PCDH9: variants seen among roughly 807,000 people sequenced by gnomAD.
The protein encoded by PCDH9 is protocadherin 9.
In PCDH9, 24 loss-of-function variants were observed where a neutral mutation model predicts 70.6. The ratio of observed to expected loss-of-function variants is 0.34; its 90% CI spans 0.25 to 0.48. The LOEUF is 0.48. Ranked by LOEUF, PCDH9 falls within the 20% of genes least tolerant of loss-of-function variation. The probability of loss-of-function intolerance (pLI) is 0.99; values close to 1 mark genes in which losing one functional copy is unlikely to be tolerated. For missense variants in PCDH9, 1,281 were observed against 1,503.6 expected (o/e 0.85, Z 2.45); for synonymous variants, 562 against 558.5 (o/e 1.01, Z -0.09).
intron 3 of PCDH9, among the ~76,000 whole-genome samples, chr13:66,860,357 G>A (rs1327213194): frequency 6.6e-6 from 1 of 152,034 alleles, no homozygotes. Flanking sequence ...GGGTGGTGGA[G>A]GGGAGCTGCT....
chr13:66,610,857 T>A (rs1414315510), intron 4 of PCDH9, among the ~76,000 whole-genome samples: 2 of 152,198 alleles, frequency 1.3e-5, no homozygotes, highest in Non-Finnish European at 2.9e-5. Flanking sequence ...AAGTCTGTGC[T>A]TGTTTTGTGG....
intron 4 of PCDH9, among the ~76,000 whole-genome samples, chr13:66,430,657 T>TA (rs1260108007): frequency 2.0e-5 from 3 of 152,082 alleles, no homozygotes; most frequent in Non-Finnish European, 2.9e-5. Context: ...TAACCTGCTA[T>TA]TCACTCTGGG....
chr13:66,523,569 T>TAC (rs746989014), intron 4 of PCDH9, among the ~76,000 whole-genome samples: 22 of 151,144 alleles, frequency 1.5e-4, no homozygotes, highest in East Asian at 5.8e-4. Context: ...CATATACATA[T>TAC]ACACACACAC....
At chr13:66,406,266 G>C (rs1593925616) in intron 4 of PCDH9, among the ~76,000 whole-genome samples, 1 of 152,068 alleles carries the variant, frequency 6.6e-6, no homozygotes, top group African/African-American at 2.4e-5. Context: ...GTGAGACTTG[G>C]GCAAGTTTTA....
intron 4 of PCDH9, among the ~76,000 whole-genome samples, chr13:66,474,562 C>G (rs1958683838): frequency 6.6e-6 from 1 of 152,076 alleles, no homozygotes; most frequent in Admixed American, 6.6e-5. Context: ...ATCATTTAAA[C>G]TATTATATGA....
At position 66,626,063 on chromosome 13, in the gene PCDH9, AT is replaced by A. The variant is rs200323931; in HGVS notation, c.3340+5146del. 4.2e-3 allele frequency among the ~76,000 whole-genome samples: 632 copies of A among 151,748 alleles called. 19 individuals are homozygous for A. The East Asian group carries it at 0.08, about 19-fold the overall frequency. On this transcript the variant is annotated intron_variant, in intron 4 of 4. Transcript: ENST00000377865. ...TGCAAAGTTGTACAGCTATCATGAG[AT>A]TTTTTTTTCTTGTTGCTGAGGCAAA... is the stretch of plus-strand genomic sequence containing the variant.
intron 2 of PCDH9, among the ~76,000 whole-genome samples, chr13:67,170,782 G>A (rs1378567932): frequency 6.6e-6 from 1 of 151,982 alleles, no homozygotes; most frequent in Non-Finnish European, 1.5e-5. Flanking sequence ...AAAATTAGCT[G>A]GGCCTGGTGG....
At chr13:67,175,326 A>C (rs2088420698) in intron 2 of PCDH9, among the ~76,000 whole-genome samples, 1 of 152,174 alleles carries the variant, frequency 6.6e-6, no homozygotes. Flanking sequence ...TACCCATCAC[A>C]ATCTAAAAAT....
intron 3 of PCDH9, among the ~76,000 whole-genome samples, chr13:66,683,075 G>A (rs753247295): frequency 2.6e-4 from 39 of 152,116 alleles, no homozygotes; most frequent in Admixed American, 1.0e-3. Flanking sequence ...TATTTGCAGC[G>A]GCAGTTGTCA....
intron 4 of PCDH9, among the ~76,000 whole-genome samples, chr13:66,404,221 A>T (rs1957240221): frequency 2.0e-5 from 3 of 152,184 alleles, no homozygotes; most frequent in Admixed American, 2.0e-4. Context: ...CTGATAAATA[A>T]GGAAAATACT....
chr13:67,004,288 A>C (rs1252046900), intron 2 of PCDH9, among the ~76,000 whole-genome samples: 1 of 152,096 alleles, frequency 6.6e-6, no homozygotes, highest in African/African-American at 2.4e-5. Flanking sequence ...AGAAATTTAT[A>C]GGACAGTTGT....
intron 3 of PCDH9, among the ~76,000 whole-genome samples, chr13:66,686,033 G>A (rs1189257479): frequency 1.3e-5 from 2 of 152,140 alleles, no homozygotes. Context: ...CTAAGACTTT[G>A]GGGAACTGTT....
At chr13:66,314,502 G>A (rs1336619685) in intron 4 of PCDH9, among the ~76,000 whole-genome samples, 4 of 152,158 alleles carry the variant, frequency 2.6e-5, no homozygotes, top group Admixed American at 6.5e-5. Context: ...TCACCTATGT[G>A]AGCGCATGTA....
In PCDH9 at chr13:66,782,556, G is replaced by T. The variant is rs995427453; in HGVS notation, c.3138+120948C>A. On this transcript the variant is annotated intron_variant, in intron 3 of 4. Transcript: ENST00000377865. ...AAGAAAAAAAGCCAACAATGTCATT[G>T]ATATTTTTGCAGCAATTTCCTGAAG... Among the ~76,000 whole-genome samples, 3 of 152,216 alleles carry T rather than the reference G, an allele frequency of 2.0e-5. No individual in the cohort carries two copies. The East Asian group carries it at 5.8e-4, about 29-fold the overall frequency.
chr13:66,462,431 A>G (rs1011436351), intron 4 of PCDH9, among the ~76,000 whole-genome samples: 9 of 151,896 alleles, frequency 5.9e-5, no homozygotes, highest in Admixed American at 5.9e-4. Context: ...TTGTTTGCCT[A>G]AGAATGAATT....
intron 3 of PCDH9, among the ~76,000 whole-genome samples, chr13:66,849,351 G>A (rs558109887): frequency 5.3e-5 from 8 of 151,748 alleles, no homozygotes; most frequent in Admixed American, 5.3e-4. Context: ...GAATTATCAG[G>A]TTTGTATCTA....
intron 3 of PCDH9, among the ~76,000 whole-genome samples, chr13:66,638,659 C>T (rs1402827095): frequency 6.6e-6 from 1 of 151,990 alleles, no homozygotes; most frequent in Admixed American, 6.6e-5. Flanking sequence ...TTATGAGGAA[C>T]ATATACACAT....
chr13:67,167,361 G>A (rs934665892), intron 2 of PCDH9, among the ~76,000 whole-genome samples: 1 of 152,118 alleles, frequency 6.6e-6, no homozygotes, highest in Admixed American at 6.5e-5. Context: ...TTCATAGTAT[G>A]ATTGTGCGGA....
At chr13:66,851,751 A>T (rs920334659) in intron 3 of PCDH9, among the ~76,000 whole-genome samples, 1 of 152,222 alleles carries the variant, frequency 6.6e-6, no homozygotes, top group African/African-American at 2.4e-5. Flanking sequence ...CTTAGAATTT[A>T]TAGCACAACA....
Sources: allele counts gnomAD v4.1 joint callset (sites outside exome capture counted in the v4.1 genomes callset), GRCh38; gene constraint gnomAD v4.1.1; transcripts MANE v1.5; gene names NCBI Gene and HGNC (gene_info 2026-07-23, HGNC 2026-07-21).